The following GOLGA4 variants were observed in gnomAD, a reference collection of about 807,000 sequenced individuals.
GOLGA4 encodes the protein golgin A4, also known as golgin subfamily A member 4.
In GOLGA4, 169 loss-of-function variants were observed where a neutral mutation model predicts 265.9. The ratio of observed to expected loss-of-function variants is 0.64; its 90% CI spans 0.56 to 0.72. The LOEUF is 0.72. GOLGA4 is among the 30% of genes least tolerant of loss of function. The probability of loss-of-function intolerance (pLI) is 0.00; values close to 1 mark genes in which losing one functional copy is unlikely to be tolerated. For synonymous variants in GOLGA4, 923 were observed against 855.8 expected, an observed-to-expected ratio of 1.08 and a Z score of -1.37; for missense variants, 2,482 against 2,483.4, an observed-to-expected ratio of 1.00 and a Z score of 0.01.
chr3:37,269,340 A>G (rs1239097342), intron 2 of GOLGA4, among the ~76,000 whole-genome samples: 1 of 152,240 alleles, frequency 6.6e-6, no homozygotes, highest in African/African-American at 2.4e-5. Context: ...CATGGGGACT[A>G]AGATGAAAAT....
intron 20 of GOLGA4, among the ~76,000 whole-genome samples, chr3:37,342,500 CT>C (rs1224978727): frequency 2.0e-5 from 3 of 152,036 alleles, no homozygotes; most frequent in African/African-American, 7.3e-5. Flanking sequence ...TTATCTTGTT[CT>C]TTATCATTTA....
intron 2 of GOLGA4, chr3:37,276,117 T>A: frequency 2.5e-6 from 4 of 1,610,634 alleles, no homozygotes; most frequent in Non-Finnish European, 3.4e-6. Context: ...TCTGTGCAGT[T>A]GAAGTGTAGG....
chr3:37,256,413 T>A (rs1364908746), intron 2 of GOLGA4, among the ~76,000 whole-genome samples: 4 of 151,470 alleles, frequency 2.6e-5, no homozygotes, highest in Non-Finnish European at 5.9e-5. Flanking sequence ...GAGGTTGCAG[T>A]GAGCCGAGGT....
At chr3:37,266,268 C>T (rs985103008) in intron 2 of GOLGA4, among the ~76,000 whole-genome samples, 2 of 152,012 alleles carry the variant, frequency 1.3e-5, no homozygotes, top group African/African-American at 4.8e-5. Flanking sequence ...GGCACGATCT[C>T]GGCTCACTGC....
intron 14 of GOLGA4, among the ~76,000 whole-genome samples, chr3:37,328,038 C>G (rs527434748): frequency 1.1e-3 from 173 of 151,882 alleles, no homozygotes; most frequent in Middle Eastern, 6.8e-3. Flanking sequence ...AGAGAAAAAC[C>G]TTTTCTTGCA....
intron 2 of GOLGA4, chr3:37,275,889 CAA>C: frequency 6.2e-7 from 1 of 1,613,754 alleles, no homozygotes; most frequent in South Asian, 1.1e-5. Flanking sequence ...ACATCTTTGG[CAA>C]AGTCTCTCAT....
intron 2 of GOLGA4, among the ~76,000 whole-genome samples, chr3:37,253,751 G>C (rs2096740361): frequency 6.6e-6 from 1 of 152,006 alleles, no homozygotes; most frequent in Non-Finnish European, 1.5e-5. Context: ...AGCCGGGCAT[G>C]GTGGCTCACG....
intron 16 of GOLGA4, among the ~76,000 whole-genome samples, chr3:37,333,025 C>T (rs907701754): frequency 2.6e-5 from 4 of 152,152 alleles, no homozygotes; most frequent in South Asian, 2.1e-4. Flanking sequence ...CTTCTCTAGT[C>T]GTGAGAATCT....
intron 2 of GOLGA4, among the ~76,000 whole-genome samples, chr3:37,258,202 A>T (rs1180422830): frequency 6.8e-6 from 1 of 146,234 alleles, no homozygotes; most frequent in Non-Finnish European, 1.5e-5. Context: ...TATGTATGAT[A>T]TATATAGCAT....
At chr3:37,344,762 G>A (rs2097050770) in intron 20 of GOLGA4, among the ~76,000 whole-genome samples, 1 of 152,074 alleles carries the variant, frequency 6.6e-6, no homozygotes, top group South Asian at 2.1e-4. Context: ...AAGTCATCTT[G>A]TTAAGTTACT....
intron 7 of GOLGA4, among the ~76,000 whole-genome samples, chr3:37,297,352 G>T (rs1464106760): frequency 6.6e-6 from 1 of 152,186 alleles, no homozygotes; most frequent in African/African-American, 2.4e-5. Context: ...TCCCAGACAT[G>T]TGGAAACTTC....
At chr3:37,290,936 G>T (rs2096862993) in intron 5 of GOLGA4, among the ~76,000 whole-genome samples, 1 of 152,196 alleles carries the variant, frequency 6.6e-6, no homozygotes, top group Admixed American at 6.5e-5. Context: ...CTACCCAAAA[G>T]ATTTTTCTGT....
At chr3:37,310,441 A>T (rs1001153015) in intron 10 of GOLGA4, among the ~76,000 whole-genome samples, 4 of 152,126 alleles carry the variant, frequency 2.6e-5, no homozygotes, top group Non-Finnish European at 5.9e-5. Flanking sequence ...TTTCTTTGTC[A>T]CTTAATACCT....
In GOLGA4 at chr3:37,325,989, A is replaced by G; in HGVS notation, c.4103A>G (p.Glu1368Gly). ...GAAGAGCTTAAAGAAAAAAAAGTTG[A>G]GATTAGCAGTCTTAGTAAACAACTA... ...MKEELKEKKV[E>G]ISSLSKQLTD... The change falls in exon 14 of 24, where the codon GAG becomes GGG. Residue 1368 changes from glutamate (E) to glycine (G), a missense_variant. Glu to Gly is a moderately conservative substitution (Grantham distance 98, BLOSUM62 -2). Transcript: ENST00000361924. The G allele has an allele frequency of 6.2e-7, 1 of 1,612,858 alleles. No homozygotes were observed. Among genetic ancestry groups the G allele is most frequent in the East Asian group, 2.2e-5 (1 of 44,822 alleles).
chr3:37,281,480 G>T (rs1239143460), intron 2 of GOLGA4, among the ~76,000 whole-genome samples: 1 of 151,982 alleles, frequency 6.6e-6, no homozygotes, highest in African/African-American at 2.4e-5. Flanking sequence ...TGTCCATAAA[G>T]ACCCTCCAGA....
At chr3:37,321,199 A>T (rs2096953914) in intron 12 of GOLGA4, among the ~76,000 whole-genome samples, 1 of 152,234 alleles carries the variant, frequency 6.6e-6, no homozygotes, top group Non-Finnish European at 1.5e-5. Context: ...AAGGACAATC[A>T]GAGAAGCTTT....
intron 12 of GOLGA4, 181 bp from the exon 13 acceptor site, chr3:37,321,550 A>G (rs1346739100): frequency 3.6e-6 from 2 of 553,010 alleles, no homozygotes; most frequent in Admixed American, 3.2e-5. Context: ...CAATTACCCC[A>G]CTGGAAAAGC....
In GOLGA4 at chr3:37,319,119, C is replaced by T. The variant is rs2096946862; in HGVS notation, c.1470C>T (p.Ala490=). The change falls in exon 12 of 24, where the codon GCC becomes GCT. Residue 490 remains alanine (A), a synonymous_variant. Coordinates refer to ENST00000361924, the MANE Select transcript of GOLGA4 (RefSeq NM_002078.5). ...AGAAGCTTCATGAAAAGGAGCTGGC[C>T]AGAAAAGAGCAGGAACTGACCAAGA... The part of the protein sequence containing the change: ...KLQKLHEKEL[A]RKEQELTKKL... 1 of 1,610,284 alleles carries T rather than the reference C, an allele frequency of 6.2e-7. No individual in the cohort carries two copies. The highest frequency in any genetic ancestry group is 1.7e-5 in the Admixed American group (1 of 59,760).
chr3:37,260,648 A>AG (rs1407402626), intron 2 of GOLGA4, among the ~76,000 whole-genome samples: 16 of 149,408 alleles, frequency 1.1e-4, no homozygotes, highest in Non-Finnish European at 2.2e-4. Context: ...CAAAAAAAAA[A>AG]AAAGAAACAG....
Sources: gnomAD v4.1 joint callset for allele counts (sites outside exome capture counted in the v4.1 genomes callset) on GRCh38, gnomAD v4.1.1 for gene constraint, MANE v1.5 for transcripts, NCBI Gene and HGNC (gene_info 2026-07-23, HGNC 2026-07-21) for gene names.